The following P4HA3 variants were observed in gnomAD, a reference collection of about 807,000 sequenced individuals.
P4HA3 encodes prolyl 4-hydroxylase subunit alpha 3, also known as prolyl 4-hydroxylase subunit alpha-3.
P4HA3 carries 60 observed loss-of-function variants against 66.7 expected under a neutral mutation model. That is an observed-to-expected ratio of 0.90 (90% CI 0.73 to 1.12). The LOEUF (loss-of-function observed/expected upper bound fraction) is 1.12. Ranked by LOEUF, P4HA3 falls within the 50% of genes most tolerant of loss-of-function variation. The probability of loss-of-function intolerance (pLI) is 0.00; values close to 1 mark genes in which losing one functional copy is unlikely to be tolerated. For missense variants in P4HA3, 683 were observed against 685.8 expected, an observed-to-expected ratio of 1.00 and a Z score of 0.05; for synonymous variants, 263 against 274.6, an observed-to-expected ratio of 0.96 and a Z score of 0.42.
At chr11:74,271,451 G>A (rs1261753918) in intron 10 of P4HA3, among the ~76,000 whole-genome samples, 1 of 152,118 alleles carries the variant, frequency 6.6e-6, no homozygotes, top group Non-Finnish European at 1.5e-5. Flanking sequence ...TCATGAGCAC[G>A]GCATGGGCTG....
chr11:74,272,991 G>C (rs909890992), intron 10 of P4HA3, among the ~76,000 whole-genome samples: 6 of 152,200 alleles, frequency 3.9e-5, no homozygotes, highest in Non-Finnish European at 8.8e-5. Context: ...GGTTTATCTT[G>C]AAAGGGGAGT....
At chr11:74,257,561 A>T (rs982414288) in intron 15 of P4HA3, among the ~76,000 whole-genome samples, 1 of 152,152 alleles carries the variant, frequency 6.6e-6, no homozygotes, top group African/African-American at 2.4e-5. Context: ...CTGTGGCTGG[A>T]GTATGGGCCG....
At position 74,286,426 on chromosome 11, in the gene P4HA3, G is replaced by T. The variant is rs575183137; in HGVS notation, c.770-35C>A. 1.0e-4 allele frequency: 149 copies of T among 1,493,454 alleles called. No homozygotes were observed. The South Asian group carries it at 1.9e-3, about 19-fold the overall frequency. 92.5% of individuals were successfully genotyped at this position (1,493,454 alleles called of 1,614,324 possible). On this transcript the variant is annotated intron_variant, in intron 5 of 12. Transcript: ENST00000331597. ...ATCAGAGCAGGGAATATAAAATAGG[G>T]ATTAACAAATACTGGCCCCAGGGAG...
chr11:74,274,415 C>T lies in P4HA3; in HGVS notation c.1336-808G>A, dbSNP rs182879856. Among the ~76,000 whole-genome samples the T allele has an allele frequency of 3.1e-3, 475 of 151,652 alleles. 3 individuals carry two copies. The Middle Eastern group carries it at 0.034, about 11-fold the overall frequency. On this transcript the variant is annotated intron_variant, in intron 9 of 12. Transcript: ENST00000331597. ...CTGCCTCCCAGGTTCATGCCATTCT[C>T]CTGCCTCAGCCTCCCAAGTAGCTGG...
chr11:74,281,269 G>A (rs1175107070), intron 7 of P4HA3, among the ~76,000 whole-genome samples: 1 of 150,514 alleles, frequency 6.6e-6, no homozygotes, highest in African/African-American at 2.4e-5. Context: ...CTTTTACACT[G>A]TTGGTGGGAC....
intron 15 of P4HA3, among the ~76,000 whole-genome samples, chr11:74,258,504 G>A (rs1027594489): frequency 3.3e-5 from 5 of 152,162 alleles, no homozygotes; most frequent in African/African-American, 1.2e-4. Context: ...GGAGTGGGGA[G>A]GGCAGACAAA....
At chr11:74,252,014 AATC>A in intron 15 of P4HA3, 2 of 587,244 alleles carry the variant, frequency 3.4e-6, no homozygotes. Flanking sequence ...CTGGGATAGG[AATC>A]AGTCCTTTTC....
Position 74,311,490 on chromosome 11 carries a change from A to G in P4HA3, c.122T>C (p.Leu41Pro). Residue 41 changes from leucine to proline, a missense_variant, in exon 1 of 13, where the codon CTG becomes CCG. Leu to Pro is a moderately conservative substitution (Grantham distance 98). Coordinates refer to ENST00000331597, the MANE Select transcript of P4HA3 (RefSeq NM_182904.5). The stretch of plus-strand genomic sequence containing the variant: ...CCCCAGCAGCCGGCGCTCGGGCGCC[A>G]GGGCGCGCGCCACGCTGGTCAGCGC... ...FSALTSVARA[L>P]APERRLLGLL... is the part of the protein sequence containing the mutation. 1 of 1,533,876 alleles carries G rather than the reference A, an allele frequency of 6.5e-7. No homozygotes were observed.
chr11:74,250,822 AATTGGGTCCAGAGT>A (rs1470381806), intron 15 of P4HA3: 7 of 685,818 alleles, frequency 1.0e-5, no homozygotes, highest in Non-Finnish European at 1.8e-5. Context: ...AAGACTTGAT[AATTGGGTCCAGAGT>A]ATTGAGGTGA....
chr11:74,289,339 G>A (rs1403912901), intron 4 of P4HA3, among the ~76,000 whole-genome samples: 4 of 152,094 alleles, frequency 2.6e-5, no homozygotes, highest in Non-Finnish European at 5.9e-5. Context: ...ATTTACTAAT[G>A]ACTTATGACC....
intron 10 of P4HA3, among the ~76,000 whole-genome samples, chr11:74,270,730 G>A (rs1240849429): frequency 1.3e-5 from 2 of 152,136 alleles, no homozygotes; most frequent in African/African-American, 4.8e-5. Flanking sequence ...AAGGTCACAT[G>A]GCTCTTCCAT....
intron 9 of P4HA3, among the ~76,000 whole-genome samples, chr11:74,273,826 TCTA>T (rs138764758): frequency 0.04 from 6,044 of 152,162 alleles, 126 homozygotes; most frequent in Middle Eastern, 0.11. Context: ...AAAAGAATTG[TCTA>T]CTACCAAACA....
chr11:74,272,762 A>G (rs1402668864), intron 10 of P4HA3, among the ~76,000 whole-genome samples: 1 of 152,252 alleles, frequency 6.6e-6, no homozygotes, highest in African/African-American at 2.4e-5. Context: ...GTTGTTATAT[A>G]GAACCCTTAT....
downstream of P4HA3, among the ~76,000 whole-genome samples, chr11:74,266,495 T>C (rs1385273933): frequency 6.6e-6 from 1 of 152,200 alleles, no homozygotes; most frequent in Non-Finnish European, 1.5e-5. Flanking sequence ...GTACTGAGCA[T>C]GTACAGAATA....
At chr11:74,307,610 T>C (rs139627023) in intron 1 of P4HA3, among the ~76,000 whole-genome samples, 149 of 152,304 alleles carry the variant, frequency 9.8e-4, no homozygotes, top group African/African-American at 3.5e-3. Context: ...TCTGAGCACA[T>C]AGCGGTTTCC....
rs144945394 is a variant in P4HA3 at position 74,310,559 on chromosome 11, A to G, written c.200+853T>C. ...ACTGAAGACGTAGACGGCAGTGGAC[A>G]TCTCTGATTAACAGTCATGGTGCTA... is the stretch of plus-strand genomic sequence containing the variant. On this transcript the variant is annotated intron_variant, in intron 1 of 12. Transcript: ENST00000331597. Among the ~76,000 whole-genome samples, 214 of 152,354 alleles carry G rather than the reference A, an allele frequency of 1.4e-3. 3 individuals are homozygous for G. In the East Asian group the frequency reaches 0.015, roughly 11 times the overall value.
chr11:74,294,171 TCTCTC>T (rs1200791096), intron 4 of P4HA3, among the ~76,000 whole-genome samples: 35 of 152,334 alleles, frequency 2.3e-4, no homozygotes, highest in Middle Eastern at 3.4e-3. Context: ...TCTCTAAACT[TCTCTC>T]CTCGCTTCGT....
intron 6 of P4HA3, 38 bp from the exon 7 acceptor site, chr11:74,286,023 G>A (rs569539474): frequency 1.3e-6 from 2 of 1,564,318 alleles, no homozygotes; most frequent in East Asian, 4.5e-5. Flanking sequence ...AGAGAAGAAG[G>A]GTCTAGGAGC....
downstream of P4HA3, among the ~76,000 whole-genome samples, chr11:74,263,832 G>A (rs531128627): frequency 1.0e-3 from 154 of 152,302 alleles, no homozygotes; most frequent in African/African-American, 3.6e-3. Context: ...GTGCAAGAAA[G>A]AAAGAAACAG....
Sources: allele counts gnomAD v4.1 joint callset (sites outside exome capture counted in the v4.1 genomes callset), GRCh38; gene constraint gnomAD v4.1.1; transcripts MANE v1.5; gene names NCBI Gene and HGNC (gene_info 2026-07-23, HGNC 2026-07-21).